OPCML: variants seen among roughly 807,000 people sequenced by gnomAD.
The protein encoded by OPCML is opioid-binding protein/cell adhesion molecule.
OPCML carries 13 observed loss-of-function variants against 37.8 expected under a neutral mutation model. The observed-to-expected ratio is 0.34, with a 90% confidence interval of 0.22 to 0.55. OPCML has a LOEUF of 0.55. Among genes scored for constraint, OPCML ranks in the 20% least tolerant of loss-of-function variants. The pLI, the probability that OPCML is intolerant of heterozygous loss-of-function variation, is 0.91. For missense variants in OPCML, 341 were observed against 435.6 expected (o/e 0.78, Z 1.93); for synonymous variants, 176 against 168.8 (o/e 1.04, Z -0.33).
At chr11:133,468,449 C>A (rs1332269982) in intron 1 of OPCML, among the ~76,000 whole-genome samples, 1 of 152,178 alleles carries the variant, frequency 6.6e-6, no homozygotes, top group African/African-American at 2.4e-5. Flanking sequence ...GTGACTGCTG[C>A]GGCAGCCAGG....
chr11:133,265,912 G>A (rs1336235244), intron 1 of OPCML, among the ~76,000 whole-genome samples: 1 of 152,202 alleles, frequency 6.6e-6, no homozygotes, highest in Non-Finnish European at 1.5e-5. Flanking sequence ...GTCTCAGATG[G>A]CTTTGCAGGC....
chr11:132,642,741 C>T (rs1190935932), intron 3 of OPCML, among the ~76,000 whole-genome samples: 1 of 152,196 alleles, frequency 6.6e-6, no homozygotes, highest in African/African-American at 2.4e-5. Context: ...TTCTTTCCCA[C>T]AGTTGACAGA....
At chr11:133,487,005 T>C (rs1210625912) in intron 1 of OPCML, among the ~76,000 whole-genome samples, 2 of 152,066 alleles carry the variant, frequency 1.3e-5, no homozygotes, top group African/African-American at 2.4e-5. Context: ...ACTCCTCTGA[T>C]ACTGCCATAT....
chr11:132,840,863 G>A (rs938732424), intron 2 of OPCML, among the ~76,000 whole-genome samples: 2 of 152,184 alleles, frequency 1.3e-5, no homozygotes, highest in South Asian at 2.1e-4. Context: ...ACACAGCAGC[G>A]CCAGGCCAGG....
Position 132,932,925 on chromosome 11 carries a change from C to T in OPCML, c.146+10001G>A, listed in dbSNP as rs1254206130. Among the ~76,000 whole-genome samples, 7 of 152,010 alleles carry T rather than the reference C, an allele frequency of 4.6e-5. No homozygotes were observed. The East Asian group carries it at 9.7e-4, about 21-fold the overall frequency. ...ATTGAGTCACTTGTCCAACCACATA[C>T]AGCCATTAAGTACCAGAGTTGGGAT... On this transcript the variant is annotated intron_variant, in intron 2 of 7. Coordinates refer to ENST00000524381, the MANE Select transcript of OPCML (RefSeq NM_001012393.5).
At chr11:132,608,112 C>G (rs1345551731) in intron 3 of OPCML, among the ~76,000 whole-genome samples, 1 of 151,940 alleles carries the variant, frequency 6.6e-6, no homozygotes, top group Non-Finnish European at 1.5e-5. Context: ...TCACATGTAC[C>G]CCAAAATATG....
At chr11:132,750,036 C>G (rs1367818645) in intron 2 of OPCML, among the ~76,000 whole-genome samples, 3 of 152,070 alleles carry the variant, frequency 2.0e-5, no homozygotes, top group Non-Finnish European at 4.4e-5. Flanking sequence ...GTGCCTGCCA[C>G]CATGCCTGGT....
At chr11:133,032,680 A>G (rs1055627490) in intron 1 of OPCML, among the ~76,000 whole-genome samples, 2 of 152,216 alleles carry the variant, frequency 1.3e-5, no homozygotes, top group African/African-American at 4.8e-5. Context: ...CCAAGATCCC[A>G]ATGTAAGATA....
At chr11:133,154,475 T>C (rs551075928) in intron 1 of OPCML, among the ~76,000 whole-genome samples, 1 of 152,274 alleles carries the variant, frequency 6.6e-6, no homozygotes, top group South Asian at 2.1e-4. Context: ...TGTCACATTC[T>C]TTTTGTCCAA....
intron 1 of OPCML, among the ~76,000 whole-genome samples, chr11:133,355,359 T>A (rs973846323): frequency 6.6e-6 from 1 of 152,160 alleles, no homozygotes; most frequent in Non-Finnish European, 1.5e-5. Flanking sequence ...ATGTCCTGAG[T>A]CATAATACAA....
chr11:132,991,237 A>G (rs531670713), intron 1 of OPCML, among the ~76,000 whole-genome samples: 2 of 152,284 alleles, frequency 1.3e-5, no homozygotes, highest in East Asian at 1.9e-4. Flanking sequence ...CAGGACATCA[A>G]TTTTCATCTT....
chr11:133,437,879 C>A (rs1472263221), intron 1 of OPCML, among the ~76,000 whole-genome samples: 1 of 152,096 alleles, frequency 6.6e-6, no homozygotes, highest in Non-Finnish European at 1.5e-5. Context: ...ATACTCCACA[C>A]CCTGGCAAAC....
At chr11:132,499,139 G>A (rs1213163516) in intron 4 of OPCML, among the ~76,000 whole-genome samples, 2 of 152,180 alleles carry the variant, frequency 1.3e-5, no homozygotes, top group Non-Finnish European at 2.9e-5. Context: ...AACTGGACAA[G>A]GCCCCTAGGG....
At chr11:133,030,876 G>A (rs953624496) in intron 1 of OPCML, among the ~76,000 whole-genome samples, 1 of 150,014 alleles carries the variant, frequency 6.7e-6, no homozygotes, top group Admixed American at 6.7e-5. Context: ...ACTGTGCTCA[G>A]AGTTTGGACT....
chr11:133,365,381 T>A (rs1944516676), intron 1 of OPCML: 1 of 152,572 alleles, frequency 6.6e-6, no homozygotes, highest in African/African-American at 2.4e-5. Flanking sequence ...CGAAGGACTG[T>A]TTCTGGTTTG....
chr11:133,409,278 A>G (rs7937203), intron 1 of OPCML, among the ~76,000 whole-genome samples: 13,796 of 152,296 alleles, frequency 0.091, 1,833 homozygotes, highest in African/African-American at 0.29. Flanking sequence ...TTACGTCACC[A>G]AAGTACTGTT....
At chr11:132,599,790 A>T (rs1382017645) in intron 3 of OPCML, among the ~76,000 whole-genome samples, 1 of 152,188 alleles carries the variant, frequency 6.6e-6, no homozygotes, top group East Asian at 1.9e-4. Flanking sequence ...TTAACAGCAT[A>T]CTGATGTATT....
At position 133,475,665 on chromosome 11, in the gene OPCML, T is replaced by C. The variant is rs1351493242; in HGVS notation, c.61+56599A>G. Among the ~76,000 whole-genome samples, 3 of 152,144 alleles carry C rather than the reference T, an allele frequency of 2.0e-5. No homozygotes were observed. The East Asian group carries it at 5.8e-4, about 29-fold the overall frequency. On this transcript the variant is annotated intron_variant, in intron 1 of 7. Coordinates refer to ENST00000524381, the MANE Select transcript of OPCML (RefSeq NM_001012393.5). ...CTCTCTTTTTCTTAGGTTGAGAAAA[T>C]AAGAGAGACATCAGCAGGAGAGTTG...
At chr11:133,020,838 T>G (rs1947437430) in intron 1 of OPCML, among the ~76,000 whole-genome samples, 1 of 152,204 alleles carries the variant, frequency 6.6e-6, no homozygotes, top group Admixed American at 6.5e-5. Flanking sequence ...AAAACAAATC[T>G]CAGTAAGAAA....
Sources: allele counts gnomAD v4.1 joint callset (sites outside exome capture counted in the v4.1 genomes callset), GRCh38; gene constraint gnomAD v4.1.1; transcripts MANE v1.5; gene names NCBI Gene and HGNC (gene_info 2026-07-23, HGNC 2026-07-21).